Variants in CFAP251 observed in about 807,000 individuals in gnomAD.
CFAP251 encodes the protein cilia- and flagella-associated protein 251.
A neutral mutation model predicts 126.7 loss-of-function variants in CFAP251; 93 were observed. The ratio of observed to expected loss-of-function variants is 0.73; its 90% CI spans 0.62 to 0.87. The LOEUF (loss-of-function observed/expected upper bound fraction) is 0.87. CFAP251 is among the 40% of genes least tolerant of loss of function. The probability of loss-of-function intolerance (pLI) is 0.00; values close to 1 mark genes in which losing one functional copy is unlikely to be tolerated. For missense variants in CFAP251, 1,287 were observed against 1,389.2 expected, an observed-to-expected ratio of 0.93 and a Z score of 1.17; for synonymous variants, 503 against 506.9, an observed-to-expected ratio of 0.99 and a Z score of 0.10.
rs1880699730 is a variant in CFAP251, at chr12:121,931,737, GTCT to G, written c.748-6_748-4del. On this transcript the variant is annotated splice_polypyrimidine_tract_variant and splice_region_variant and intron_variant, in intron 3 of 21. Transcript: ENST00000288912. ...GTAATGTCTTGCTGGCTTTGCCCTTGTCTTCCAGACCATGACCTGGTCGTTTGG... is the reference window on the plus strand; with the variant it reads ...GTAATGTCTTGCTGGCTTTGCCCTTGTCCAGACCATGACCTGGTCGTTTGG... 2 of 1,548,948 alleles carry G rather than the reference GTCT, an allele frequency of 1.3e-6. No individual in the cohort carries two copies. Among genetic ancestry groups the G allele is most frequent in the East Asian group, 4.8e-5 (2 of 42,070 alleles).
chr12:121,965,432 C>T (rs1345873342), intron 15 of CFAP251, among the ~76,000 whole-genome samples: 1 of 152,174 alleles, frequency 6.6e-6, no homozygotes, highest in African/African-American at 2.4e-5. Flanking sequence ...ATGTAGCCCA[C>T]AGAAGTACTC....
chr12:121,976,011 C>CTT (rs1162987520), intron 19 of CFAP251, among the ~76,000 whole-genome samples: 5 of 139,744 alleles, frequency 3.6e-5, no homozygotes, highest in Admixed American at 1.4e-4. Context: ...GGATTTTTTT[C>CTT]TTTTTTTTTT....
intron 5 of CFAP251, among the ~76,000 whole-genome samples, chr12:121,935,528 C>T (rs1400543667): frequency 6.6e-6 from 1 of 152,230 alleles, no homozygotes; most frequent in Non-Finnish European, 1.5e-5. Context: ...ATGGCCGTTT[C>T]TTAGACTTTC....
chr12:121,923,496 T>G (rs1880275636), intron 2 of CFAP251, 126 bp from the exon 3 acceptor site: 2 of 1,298,760 alleles, frequency 1.5e-6, no homozygotes, highest in Admixed American at 4.9e-5. Context: ...TCCAGCCTCT[T>G]TTAAAAAACA....
chr12:121,926,293 T>G (rs1880411881), intron 3 of CFAP251, among the ~76,000 whole-genome samples: 1 of 152,048 alleles, frequency 6.6e-6, no homozygotes, highest in East Asian at 1.9e-4. Context: ...TCCTTCACTT[T>G]CTTTTTCTTT....
At position 121,968,080 on chromosome 12, in the gene CFAP251, G is replaced by A. The variant is rs755862765; in HGVS notation, c.2682G>A (p.Val894=). The A allele has an allele frequency of 2.0e-5, 32 of 1,613,794 alleles. No individual in the cohort carries two copies. Among genetic ancestry groups the A allele is most frequent in the Middle Eastern group, 1.6e-4 (1 of 6,062 alleles). ...TSAIVCHPNG[V]AGMAVSYDGC... Reference sequence around the variant, plus strand: ...CTATTGTTTGCCACCCGAACGGGGTGGCCGGCATGGCCGTTTCCTATGATG... The same window carrying A: ...CTATTGTTTGCCACCCGAACGGGGTAGCCGGCATGGCCGTTTCCTATGATG... The change falls in exon 17 of 22, where the codon GTG becomes GTA. Residue 894 remains valine, a synonymous_variant. Transcript: ENST00000288912.
At chr12:121,927,331 C>T (rs1286467825) in intron 3 of CFAP251, among the ~76,000 whole-genome samples, 1 of 152,032 alleles carries the variant, frequency 6.6e-6, no homozygotes, top group Non-Finnish European at 1.5e-5. Context: ...TGGAGTCTCA[C>T]TCTCACCCAG....
Position 121,921,502 on chromosome 12 carries a change from G to GAAAGAGGAGGAGGA in CFAP251, c.197_198insAAAGAGGAGGAGGA (p.Glu68ArgfsTer36). On this transcript the variant is annotated frameshift_variant, in exon 2 of 22. Coordinates refer to ENST00000288912, the MANE Select transcript of CFAP251 (RefSeq NM_144668.6). LOFTEE classifies it high-confidence loss of function. ...GGCGAGGAGGAAGGGGAGGAGGAGG[G>GAAAGAGGAGGAGGA]GAAGGAGGACAAAAAGATTGTCATG... The GAAAGAGGAGGAGGA allele has an allele frequency of 2.3e-6, 1 of 443,040 alleles. No individual in the cohort carries two copies. 27.4% of individuals were successfully genotyped at this position (443,040 alleles called of 1,614,324 possible).
chr12:121,967,504 C>T (rs934734762), intron 16 of CFAP251, among the ~76,000 whole-genome samples: 14 of 152,070 alleles, frequency 9.2e-5, no homozygotes, highest in Non-Finnish European at 7.4e-5. Flanking sequence ...AGATGGAGAC[C>T]ATCCTGGCTA....
chr12:121,972,930 T>C (rs930715541), intron 17 of CFAP251, among the ~76,000 whole-genome samples: 1 of 152,220 alleles, frequency 6.6e-6, no homozygotes, highest in African/African-American at 2.4e-5. Context: ...GAAAAACCCA[T>C]TTTCTGAGGA....
intron 3 of CFAP251, among the ~76,000 whole-genome samples, chr12:121,930,353 G>T (rs539367451): frequency 1.3e-4 from 20 of 152,062 alleles, no homozygotes; most frequent in African/African-American, 4.8e-4. Flanking sequence ...TGGATGTGGT[G>T]GTGCATGCCT....
chr12:122,001,543 G>C lies in CFAP251; in HGVS notation c.3282G>C (p.Leu1094=), dbSNP rs773892948. ...AGATGTTGGATTGCTTTGCTTCACT[G>C]TTTGGCCTGAATCCCGAGGGATGGA... ...EEEMLDCFAS[L]FGLNPEGWKS... is the part of the protein sequence containing the mutation. Residue 1094 remains leucine (L), a synonymous_variant, in exon 21 of 22, where the codon CTG becomes CTC. Coordinates refer to ENST00000288912, the MANE Select transcript of CFAP251 (RefSeq NM_144668.6). 1.2e-6 allele frequency: 2 copies of C among 1,614,122 alleles called. No homozygotes were observed. The highest frequency in any genetic ancestry group is 1.7e-5 in the Admixed American group (1 of 60,012).
chr12:121,991,861 C>T (rs375349506), intron 19 of CFAP251, among the ~76,000 whole-genome samples: 10 of 152,162 alleles, frequency 6.6e-5, no homozygotes, highest in African/African-American at 1.9e-4. Flanking sequence ...GCTGTGGTGG[C>T]GCGCGCCTGT....
rs981068500 is a variant in CFAP251 at position 121,921,438 on chromosome 12, A to G, written c.133A>G (p.Ile45Val). The G allele has an allele frequency of 6.2e-7, 1 of 1,613,882 alleles. No individual in the cohort carries two copies. The highest frequency in any genetic ancestry group is 8.5e-7 in the Non-Finnish European group (1 of 1,179,962). ...ACAACAGGAATCAAAAGATGACACA[A>G]TAGCATGGAGAGAGTCTCAGGAGGA... The part of the protein sequence containing the change: ...DPQQESKDDT[I>V]AWRESQEEER... The change falls in exon 2 of 22, where the codon ATA becomes GTA. Residue 45 changes from isoleucine to valine, a missense_variant. Coordinates refer to ENST00000288912, the MANE Select transcript of CFAP251 (RefSeq NM_144668.6).
At chr12:121,924,850 A>G (rs1197772980) in intron 3 of CFAP251, among the ~76,000 whole-genome samples, 1 of 152,176 alleles carries the variant, frequency 6.6e-6, no homozygotes, top group East Asian at 1.9e-4. Context: ...AATTCCAGAC[A>G]TAGTTTGTCT....
At chr12:121,932,352 C>T (rs1192276042) in intron 4 of CFAP251, 2 of 152,144 alleles carry the variant, frequency 1.3e-5, no homozygotes, top group African/African-American at 2.4e-5. Flanking sequence ...GTGACTTGCC[C>T]AAGACTGTAC....
intron 1 of CFAP251, among the ~76,000 whole-genome samples, chr12:121,919,368 C>CT (rs1880062765): frequency 6.6e-6 from 1 of 152,014 alleles, no homozygotes; most frequent in South Asian, 2.1e-4. Flanking sequence ...AGTTCAAACT[C>CT]TTGTTTGTTG....
chr12:121,940,922 C>T (rs183311338), intron 5 of CFAP251, among the ~76,000 whole-genome samples: 38 of 152,224 alleles, frequency 2.5e-4, no homozygotes, highest in South Asian at 4.2e-4. Context: ...TAGGATGATG[C>T]GATTGTTTTG....
chr12:121,983,522 C>CG (rs1882676444), intron 19 of CFAP251, among the ~76,000 whole-genome samples: 1 of 151,746 alleles, frequency 6.6e-6, no homozygotes, highest in African/African-American at 2.4e-5. Context: ...AAAAGGTATC[C>CG]GGAAAAAAAT....
Sources: allele counts gnomAD v4.1 joint callset (sites outside exome capture counted in the v4.1 genomes callset), GRCh38; gene constraint gnomAD v4.1.1; transcripts MANE v1.5; gene names NCBI Gene and HGNC (gene_info 2026-07-23, HGNC 2026-07-21).